OR5AR1: variants seen among roughly 807,000 people sequenced by gnomAD.
OR5AR1 encodes the protein olfactory receptor 5AR1.
In OR5AR1, 19 loss-of-function variants were observed where a neutral mutation model predicts 12.3. The ratio of observed to expected loss-of-function variants is 1.55; its 90% confidence interval spans 1.08 to 2.27. The LOEUF is 2.27. Among genes scored for constraint, OR5AR1 ranks in the 30% most tolerant of loss-of-function variants. The pLI, the probability that OR5AR1 is intolerant of heterozygous loss-of-function variation, is 0.00. For synonymous variants in OR5AR1, 156 were observed against 138.8 expected (o/e 1.12, Z -0.87); for missense variants, 432 against 378.4 (o/e 1.14, Z -1.18).
Position 56,663,718 on chromosome 11 carries a change from G to T in OR5AR1, c.33G>T (p.Glu11Asp), listed in dbSNP as rs778491441. The T allele has an allele frequency of 6.2e-6, 10 of 1,612,920 alleles. No homozygotes were observed. The highest frequency in any genetic ancestry group is 8.5e-6 in the Non-Finnish European group (10 of 1,179,306). Residue 11 changes from glutamate (E) to aspartate (D), a missense_variant, in exon 1 of 1, where the codon GAG (glutamate) becomes GAT (aspartate). Coordinates refer to ENST00000624596, the MANE Select transcript of OR5AR1 (RefSeq NM_001004730.1). MDKENSSMVTEFIFMGITQDP... is the reference protein window; with the variant it reads MDKENSSMVTDFIFMGITQDP... ...AAGAAAACAGCTCAATGGTGACTGA[G>T]TTTATCTTCATGGGCATCACCCAGG... is the stretch of plus-strand genomic sequence containing the variant.
rs1179775267 is a variant in OR5AR1, at chr11:56,664,089, T to G, written c.404T>G (p.Phe135Cys). 1 of 1,614,036 alleles carries G rather than the reference T, an allele frequency of 6.2e-7. No individual in the cohort carries two copies. The highest frequency in any genetic ancestry group is 1.7e-5 in the Admixed American group (1 of 59,972). ...TGTCGACCCCTCCACTATAGCACCTTCATGTCCAAGCAGGTCTGCTTGGCT... is the reference window on the plus strand; with the variant it reads ...TGTCGACCCCTCCACTATAGCACCTGCATGTCCAAGCAGGTCTGCTTGGCT... ...AICRPLHYST[F>C]MSKQVCLALM... The change falls in exon 1 of 1, where the codon TTC becomes TGC. Residue 135 changes from phenylalanine (F) to cysteine (C), a missense_variant. Coordinates refer to ENST00000624596, the MANE Select transcript of OR5AR1 (RefSeq NM_001004730.1).
rs141864139 is a variant in OR5AR1 at position 56,663,747 on chromosome 11, C to T, written c.62C>T (p.Pro21Leu). 3.7e-6 allele frequency: 6 copies of T among 1,613,526 alleles called. No individual in the cohort carries two copies. Among genetic ancestry groups the T allele is most frequent in the Middle Eastern group, 1.6e-4 (1 of 6,084 alleles). ...ATCTTCATGGGCATCACCCAGGACC[C>T]TCAGATGGAGATCATCTTCTTCGTG... is the stretch of plus-strand genomic sequence containing the variant. ...EFIFMGITQD[P>L]QMEIIFFVVF... is the part of the protein sequence containing the mutation. Residue 21 changes from proline to leucine, a missense_variant, in exon 1 of 1, where the codon CCT (proline) becomes CTT (leucine). Transcript: ENST00000624596.
chr11:56,664,307 T>A lies in OR5AR1; in HGVS notation c.622T>A (p.Phe208Ile), dbSNP rs776217000. 1 of 1,614,150 alleles carries A rather than the reference T, an allele frequency of 6.2e-7. No homozygotes were observed. Among genetic ancestry groups the A allele is most frequent in the Admixed American group, 1.7e-5 (1 of 60,008 alleles). Residue 208 changes from phenylalanine (F) to isoleucine (I), a missense_variant, in exon 1 of 1, where the codon TTC (phenylalanine) becomes ATC (isoleucine). Transcript: ENST00000624596. The part of the protein sequence containing the change: ...LLFSLCGFIE[F>I]STILIIFISY... ...CTTCAGTCTGTGTGGCTTCATTGAA[T>A]TCAGCACCATCCTCATCATCTTCAT...
Position 56,664,147 on chromosome 11 carries a change from G to A in OR5AR1, c.462G>A (p.Val154=). The A allele has an allele frequency of 6.2e-7, 1 of 1,613,942 alleles. No individual in the cohort carries two copies. The highest frequency in any genetic ancestry group is 8.5e-7 in the Non-Finnish European group (1 of 1,179,952). ...LMLGSYLAGL[V]SLVAHTTLTF... ...TGGGCTCTTACCTGGCTGGTCTAGT[G>A]AGTTTAGTAGCCCACACTACCCTCA... The change falls in exon 1 of 1, where the codon GTG becomes GTA. Residue 154 remains valine (V), a synonymous_variant. Coordinates refer to ENST00000624596, the MANE Select transcript of OR5AR1 (RefSeq NM_001004730.1).
In OR5AR1 at chr11:56,664,575, T is replaced by A. The variant is rs770050689; in HGVS notation, c.890T>A (p.Val297Glu). 1 of 1,598,786 alleles carries A rather than the reference T, an allele frequency of 6.3e-7. No individual in the cohort carries two copies. Among genetic ancestry groups the A allele is most frequent in the Non-Finnish European group, 8.5e-7 (1 of 1,172,748 alleles). ...ATCTACAGTTTGCGGAACAAGGATG[T>A]GAAAGCTGCTTTCAAAAAGCTAATT... ...PLIYSLRNKDVKAAFKKLIGK... is the reference protein window; with the variant it reads ...PLIYSLRNKDEKAAFKKLIGK... The change falls in exon 1 of 1, where the codon GTG (valine) becomes GAG (glutamate). Residue 297 changes from valine to glutamate, a missense_variant. Coordinates refer to ENST00000624596, the MANE Select transcript of OR5AR1 (RefSeq NM_001004730.1).
Position 56,664,370 on chromosome 11 carries a change from C to A in OR5AR1, c.685C>A (p.Arg229Ser). ...TFILVAIIRMRSAEGRLKAFS... is the reference protein window; with the variant it reads ...TFILVAIIRMSSAEGRLKAFS... ...TATCCTTGTTGCAATCATCAGAATGCGTTCAGCTGAAGGCCGCCTTAAGGC... is the reference window on the plus strand; with the variant it reads ...TATCCTTGTTGCAATCATCAGAATGAGTTCAGCTGAAGGCCGCCTTAAGGC... The change falls in exon 1 of 1, where the codon CGT becomes AGT. Residue 229 changes from arginine to serine, a missense_variant. Physicochemically the swap from Arg to Ser is moderately radical, Grantham distance 110. Coordinates refer to ENST00000624596, the MANE Select transcript of OR5AR1 (RefSeq NM_001004730.1). 1.2e-6 allele frequency: 2 copies of A among 1,614,014 alleles called. No individual in the cohort carries two copies. Among genetic ancestry groups the A allele is most frequent in the African/African-American group, 1.3e-5 (1 of 75,010 alleles).
In OR5AR1 at chr11:56,664,159, C is replaced by A. The variant is rs1451206997; in HGVS notation, c.474C>A (p.Ala158=). 1.2e-6 allele frequency: 2 copies of A among 1,613,832 alleles called. No individual in the cohort carries two copies. Among genetic ancestry groups the A allele is most frequent in the South Asian group, 1.1e-5 (1 of 91,062 alleles). Residue 158 remains alanine (A), a synonymous_variant, in exon 1 of 1, where the codon GCC becomes GCA. Coordinates refer to ENST00000624596, the MANE Select transcript of OR5AR1 (RefSeq NM_001004730.1). ...SYLAGLVSLV[A]HTTLTFSLSY... is the part of the protein sequence containing the mutation. ...TGGCTGGTCTAGTGAGTTTAGTAGC[C>A]CACACTACCCTCACCTTCAGCCTGA...
Position 56,664,534 on chromosome 11 carries a change from C to A in OR5AR1, c.849C>A (p.Pro283=). ...WASVFYTVII[P]MLNPLIYSLR... ...CTGTGTTCTACACGGTTATCATCCCCATGTTAAATCCCTTGATCTACAGTT... is the reference window on the plus strand; with the variant it reads ...CTGTGTTCTACACGGTTATCATCCCAATGTTAAATCCCTTGATCTACAGTT... The change falls in exon 1 of 1, where the codon CCC becomes CCA. Residue 283 remains proline, a synonymous_variant. Transcript: ENST00000624596. 6.2e-7 allele frequency: 1 copy of A among 1,614,014 alleles called. No individual in the cohort carries two copies. Among genetic ancestry groups the A allele is most frequent in the Non-Finnish European group, 8.5e-7 (1 of 1,179,962 alleles).
chr11:56,663,899 G>A lies in OR5AR1; in HGVS notation c.214G>A (p.Gly72Ser), dbSNP rs745905052. 1 of 1,613,916 alleles carries A rather than the reference G, an allele frequency of 6.2e-7. No individual in the cohort carries two copies. Among genetic ancestry groups the A allele is most frequent in the Non-Finnish European group, 8.5e-7 (1 of 1,179,948 alleles). Reference sequence around the variant, plus strand: ...CTGCAACCTCTCCTTTGTTGACCTGGGCTACTCCTCAGCCATTGCCCCCAG... The same window carrying A: ...CTGCAACCTCTCCTTTGTTGACCTGAGCTACTCCTCAGCCATTGCCCCCAG... ...FLCNLSFVDL[G>S]YSSAIAPRML... Residue 72 changes from glycine (G) to serine (S), a missense_variant, in exon 1 of 1, where the codon GGC becomes AGC. By Grantham distance (56) the Gly-to-Ser change is moderately conservative (BLOSUM62 0). Coordinates refer to ENST00000624596, the MANE Select transcript of OR5AR1 (RefSeq NM_001004730.1).
rs771856221 is a variant in OR5AR1 at position 56,663,732 on chromosome 11, G to A, written c.47G>A (p.Gly16Asp). 23 of 1,613,228 alleles carry A rather than the reference G, an allele frequency of 1.4e-5. No homozygotes were observed. The highest frequency in any genetic ancestry group is 1.9e-5 in the Non-Finnish European group (22 of 1,179,530). The change falls in exon 1 of 1, where the codon GGC becomes GAC. Residue 16 changes from glycine (G) to aspartate (D), a missense_variant. By Grantham distance (94) the Gly-to-Asp change is moderately conservative. Coordinates refer to ENST00000624596, the MANE Select transcript of OR5AR1 (RefSeq NM_001004730.1). ...ATGGTGACTGAGTTTATCTTCATGG[G>A]CATCACCCAGGACCCTCAGATGGAG... The part of the protein sequence containing the change: ...SSMVTEFIFM[G>D]ITQDPQMEII...
Position 56,664,244 on chromosome 11 carries a change from C to T in OR5AR1, c.559C>T (p.Leu187Phe), listed in dbSNP as rs1459153737. 4 of 1,614,128 alleles carry T rather than the reference C, an allele frequency of 2.5e-6. No individual in the cohort carries two copies. The South Asian group carries it at 3.3e-5, about 13-fold the overall frequency. ...CTGCGAAATCCCACCACTCTTGGCCCTCTCTTGCTCAGACACCTACATCAG... is the reference window on the plus strand; with the variant it reads ...CTGCGAAATCCCACCACTCTTGGCCTTCTCTTGCTCAGACACCTACATCAG... ...FFCEIPPLLALSCSDTYISEI... is the reference protein window; with the variant it reads ...FFCEIPPLLAFSCSDTYISEI... Residue 187 changes from leucine (L) to phenylalanine (F), a missense_variant, in exon 1 of 1, where the codon CTC (leucine) becomes TTC (phenylalanine). Leu to Phe is a conservative substitution (Grantham distance 22). Coordinates refer to ENST00000624596, the MANE Select transcript of OR5AR1 (RefSeq NM_001004730.1).
chr11:56,664,138 T>C lies in OR5AR1; in HGVS notation c.453T>C (p.Ala151=). 2 of 1,614,032 alleles carry C rather than the reference T, an allele frequency of 1.2e-6. No homozygotes were observed. The highest frequency in any genetic ancestry group is 1.7e-6 in the Non-Finnish European group (2 of 1,179,968). ...CLALMLGSYL[A]GLVSLVAHTT... is the part of the protein sequence containing the mutation. ...CTCTCATGCTGGGCTCTTACCTGGC[T>C]GGTCTAGTGAGTTTAGTAGCCCACA... is the stretch of plus-strand genomic sequence containing the variant. The change falls in exon 1 of 1, where the codon GCT becomes GCC. Residue 151 remains alanine (A), a synonymous_variant. Coordinates refer to ENST00000624596, the MANE Select transcript of OR5AR1 (RefSeq NM_001004730.1).
Position 56,664,617 on chromosome 11 carries a change from A to G in OR5AR1, c.932A>G (p.Ter311=), listed in dbSNP as rs61740352. The G allele has an allele frequency of 6.4e-7, 1 of 1,570,036 alleles. No homozygotes were observed. The highest frequency in any genetic ancestry group is 8.7e-7 in the Non-Finnish European group (1 of 1,150,346). Residue 311 remains the stop codon, a stop_retained_variant, in exon 1 of 1, where the codon TAA becomes TGA. Transcript: ENST00000624596. ...AAGCTAATTGGAAAAAAATCTCAAT[A>G]ATAACACAAAATGAAAATCTGTTTC... ...FKKLIGKKSQ[*]
At position 56,663,753 on chromosome 11, in the gene OR5AR1, T is replaced by C. The variant is rs1287291506; in HGVS notation, c.68T>C (p.Met23Thr). ...ATGGGCATCACCCAGGACCCTCAGATGGAGATCATCTTCTTCGTGGTCTTC... is the reference window on the plus strand; with the variant it reads ...ATGGGCATCACCCAGGACCCTCAGACGGAGATCATCTTCTTCGTGGTCTTC... ...IFMGITQDPQ[M>T]EIIFFVVFLI... Residue 23 changes from methionine to threonine, a missense_variant, in exon 1 of 1, where the codon ATG becomes ACG. Physicochemically the swap from Met to Thr is moderately conservative, Grantham distance 81. Transcript: ENST00000624596. The C allele has an allele frequency of 6.2e-7, 1 of 1,613,768 alleles. No individual in the cohort carries two copies. Among genetic ancestry groups the C allele is most frequent in the Non-Finnish European group, 8.5e-7 (1 of 1,179,702 alleles).
chr11:56,664,024 T>A lies in OR5AR1; in HGVS notation c.339T>A (p.Tyr113Ter). ...TAGGTTTTGTGGATGCTGAGTGCTATGTCCTGGCAGCCATGGCCTATGGTC... is the reference window on the plus strand; with the variant it reads ...TAGGTTTTGTGGATGCTGAGTGCTAAGTCCTGGCAGCCATGGCCTATGGTC... ...FFVGFVDAEC[Y>*]VLAAMAYGRF... Residue 113 changes from tyrosine (Y) to a stop codon, truncating the protein, a stop_gained, in exon 1 of 1, where the codon TAT becomes TAA. Coordinates refer to ENST00000624596, the MANE Select transcript of OR5AR1 (RefSeq NM_001004730.1). LOFTEE classifies it high-confidence loss of function. 1 of 1,614,054 alleles carries A rather than the reference T, an allele frequency of 6.2e-7. No individual in the cohort carries two copies. Among genetic ancestry groups the A allele is most frequent in the Non-Finnish European group, 8.5e-7 (1 of 1,179,986 alleles).
chr11:56,664,025 G>T lies in OR5AR1; in HGVS notation c.340G>T (p.Val114Phe), dbSNP rs1484485265. The T allele has an allele frequency of 1.2e-6, 2 of 1,613,936 alleles. No homozygotes were observed. The highest frequency in any genetic ancestry group is 4.5e-5 in the East Asian group (2 of 44,842). Residue 114 changes from valine (V) to phenylalanine (F), a missense_variant, in exon 1 of 1, where the codon GTC (valine) becomes TTC (phenylalanine). Transcript: ENST00000624596. ...AGGTTTTGTGGATGCTGAGTGCTAT[G>T]TCCTGGCAGCCATGGCCTATGGTCG... is the stretch of plus-strand genomic sequence containing the variant. ...FVGFVDAECY[V>F]LAAMAYGRFV...
rs182417012 is a variant in OR5AR1 at position 56,664,260 on chromosome 11, C to T, written c.575C>T (p.Thr192Ile). 1.9e-6 allele frequency: 3 copies of T among 1,613,952 alleles called. No homozygotes were observed. Among genetic ancestry groups the T allele is most frequent in the African/African-American group, 1.3e-5 (1 of 74,892 alleles). The stretch of plus-strand genomic sequence containing the variant: ...CTCTTGGCCCTCTCTTGCTCAGACA[C>T]CTACATCAGTGAGATCTTGCTCTTC... ...PPLLALSCSD[T>I]YISEILLFSL... Residue 192 changes from threonine (T) to isoleucine (I), a missense_variant, in exon 1 of 1, where the codon ACC becomes ATC. Thr to Ile is a moderately conservative substitution (Grantham distance 89, BLOSUM62 -1). Transcript: ENST00000624596.
Position 56,664,168 on chromosome 11 carries a change from C to G in OR5AR1, c.483C>G (p.Thr161=), listed in dbSNP as rs1448938002. ...TAGTGAGTTTAGTAGCCCACACTAC[C>G]CTCACCTTCAGCCTGAGTTACTGTG... ...AGLVSLVAHT[T]LTFSLSYCGS... is the part of the protein sequence containing the mutation. The change falls in exon 1 of 1, where the codon ACC becomes ACG. Residue 161 remains threonine, a synonymous_variant. Transcript: ENST00000624596. 1 of 1,613,914 alleles carries G rather than the reference C, an allele frequency of 6.2e-7. No individual in the cohort carries two copies. The highest frequency in any genetic ancestry group is 2.2e-5 in the East Asian group (1 of 44,846).
Position 56,664,036 on chromosome 11 carries a change from C to T in OR5AR1, c.351C>T (p.Ala117=). The T allele has an allele frequency of 6.2e-7, 1 of 1,614,070 alleles. No homozygotes were observed. Among genetic ancestry groups the T allele is most frequent in the Non-Finnish European group, 8.5e-7 (1 of 1,179,982 alleles). Residue 117 remains alanine (A), a synonymous_variant, in exon 1 of 1, where the codon GCC becomes GCT. Coordinates refer to ENST00000624596, the MANE Select transcript of OR5AR1 (RefSeq NM_001004730.1). ...ATGCTGAGTGCTATGTCCTGGCAGC[C>T]ATGGCCTATGGTCGTTTTGTGGCCA... ...FVDAECYVLA[A]MAYGRFVAIC...
Sources: gnomAD v4.1 joint callset for allele counts on GRCh38, gnomAD v4.1.1 for gene constraint, MANE v1.5 for transcripts, NCBI Gene and HGNC (gene_info 2026-07-23, HGNC 2026-07-21) for gene names.